Variants in USP46 observed in about 807,000 individuals in gnomAD.
USP46 encodes ubiquitin specific peptidase 46, also known as ubiquitin carboxyl-terminal hydrolase 46.
A neutral mutation model predicts 44.4 loss-of-function variants in USP46; 12 were observed. That is an observed-to-expected ratio of 0.27 (90% confidence interval 0.17 to 0.44). The LOEUF is 0.44. USP46 is among the 20% of genes least tolerant of loss of function. The pLI, the probability that USP46 is intolerant of heterozygous loss-of-function variation, is 1.00. For synonymous variants in USP46, 155 were observed against 161.5 expected, an observed-to-expected ratio of 0.96 and a Z score of 0.31; for missense variants, 248 against 444.8, an observed-to-expected ratio of 0.56 and a Z score of 3.98.
intron 4 of USP46, among the ~76,000 whole-genome samples, chr4:52,625,419 T>A (rs1717543090): frequency 6.6e-6 from 1 of 152,078 alleles, no homozygotes; most frequent in African/African-American, 2.4e-5. Context: ...AGAGTTGAAG[T>A]TAAACATGCC....
intron 5 of USP46, among the ~76,000 whole-genome samples, chr4:52,605,662 T>A (rs1716659543): frequency 6.6e-6 from 1 of 152,224 alleles, no homozygotes; most frequent in African/African-American, 2.4e-5. Context: ...ACTGCCTTCA[T>A]ACGGCTCACA....
intron 4 of USP46, among the ~76,000 whole-genome samples, chr4:52,620,431 T>C (rs1717334920): frequency 6.6e-6 from 1 of 152,242 alleles, no homozygotes; most frequent in Non-Finnish European, 1.5e-5. Flanking sequence ...CTTGCAATTA[T>C]AATTACTTAA....
At chr4:52,652,289 T>C (rs1278232139) in intron 1 of USP46, among the ~76,000 whole-genome samples, 2 of 152,190 alleles carry the variant, frequency 1.3e-5, no homozygotes, top group Non-Finnish European at 2.9e-5. Context: ...CGCTGCTTGG[T>C]TGGAATGCAA....
intron 1 of USP46, among the ~76,000 whole-genome samples, chr4:52,646,418 A>G (rs928642842): frequency 6.6e-6 from 1 of 152,210 alleles, no homozygotes; most frequent in Non-Finnish European, 1.5e-5. Flanking sequence ...ATCCTCAAAT[A>G]GAGTAGCAAT....
chr4:52,641,454 GGAA>G (rs1718338385), intron 1 of USP46, among the ~76,000 whole-genome samples: 2 of 152,032 alleles, frequency 1.3e-5, no homozygotes, highest in African/African-American at 2.4e-5. Flanking sequence ...CAAAATCCCA[GGAA>G]GGATGATTCA....
chr4:52,612,462 T>G (rs1197713012), intron 4 of USP46, among the ~76,000 whole-genome samples: 1 of 152,218 alleles, frequency 6.6e-6, no homozygotes, highest in Non-Finnish European at 1.5e-5. Flanking sequence ...CACCCTTAAG[T>G]CTGAGTGTGA....
At chr4:52,633,737 T>C (rs1718002849) in intron 1 of USP46, among the ~76,000 whole-genome samples, 1 of 152,178 alleles carries the variant, frequency 6.6e-6, no homozygotes, top group African/African-American at 2.4e-5. Flanking sequence ...CTACCTATCT[T>C]AATATTTTCC....
intron 1 of USP46, among the ~76,000 whole-genome samples, chr4:52,652,760 ACT>A (rs2109669112): frequency 6.6e-6 from 1 of 152,262 alleles, no homozygotes; most frequent in South Asian, 2.1e-4. Flanking sequence ...AATAGTGGTC[ACT>A]CTGTGGGGAG....
chr4:52,608,804 C>T (rs958812615), intron 5 of USP46, among the ~76,000 whole-genome samples: 4 of 152,036 alleles, frequency 2.6e-5, no homozygotes, highest in Non-Finnish European at 2.9e-5. Context: ...GGGATCTCAT[C>T]GGCACTGGGA....
rs1716074746 is a variant in USP46, at chr4:52,592,820, C to T, written c.*4820G>A. On this transcript the variant is annotated 3_prime_UTR_variant, in exon 9 of 9. Coordinates refer to ENST00000441222, the MANE Select transcript of USP46 (RefSeq NM_022832.4). ...CATCACTGCACTCCAGCCTGGGTGACAGTGAGACTCCATCTTAAAAAAAAA... is the reference window on the plus strand; with the variant it reads ...CATCACTGCACTCCAGCCTGGGTGATAGTGAGACTCCATCTTAAAAAAAAA... 3 of 397,906 alleles carry T rather than the reference C, an allele frequency of 7.5e-6. No homozygotes were observed. Among genetic ancestry groups the T allele is most frequent in the South Asian group, 2.6e-4 (2 of 7,806 alleles). 24.6% of individuals were successfully genotyped at this position (397,906 alleles called of 1,614,324 possible).
At chr4:52,619,016 A>G (rs1397171501) in intron 4 of USP46, among the ~76,000 whole-genome samples, 1 of 152,216 alleles carries the variant, frequency 6.6e-6, no homozygotes, top group Non-Finnish European at 1.5e-5. Flanking sequence ...AAATGGAAAG[A>G]GGGAAAATTA....
At position 52,592,940 on chromosome 4, in the gene USP46, A is replaced by AT. The variant is rs1716082266; in HGVS notation, c.*4699dup. The AT allele has an allele frequency of 2.5e-6, 1 of 398,264 alleles. No homozygotes were observed. The allele number at this position is 398,264 out of a possible 1,614,324, so 24.7% of individuals were successfully genotyped here. A position where few individuals can be genotyped will look rare whatever the true frequency, so the allele number is the denominator to read the frequency against. On this transcript the variant is annotated 3_prime_UTR_variant, in exon 9 of 9. Transcript: ENST00000441222. The stretch of plus-strand genomic sequence containing the variant: ...CTTGCTTTCCCTTTGCCTTCTGCTG[A>AT]TTGTAAGTTTCCTGAGGCCTCCCCC...
At chr4:52,621,776 C>T (rs1321290246) in intron 4 of USP46, among the ~76,000 whole-genome samples, 1 of 152,168 alleles carries the variant, frequency 6.6e-6, no homozygotes, top group Non-Finnish European at 1.5e-5. Context: ...AATTCTGCTC[C>T]CAAAAGGATA....
intron 6 of USP46, 55 bp downstream of exon 6, chr4:52,604,446 C>T: frequency 2.0e-6 from 3 of 1,465,262 alleles, no homozygotes; most frequent in Non-Finnish European, 2.8e-6. Flanking sequence ...CTGGGCCCCA[C>T]AGTCGGGATC....
At chr4:52,631,193 A>G (rs1435154991) in intron 1 of USP46, 49 bp from the exon 2 acceptor site, 13 of 1,421,420 alleles carry the variant, frequency 9.1e-6, no homozygotes, top group East Asian at 5.0e-5. Flanking sequence ...AATAGACAAA[A>G]AGTAAAATCA....
intron 1 of USP46, among the ~76,000 whole-genome samples, chr4:52,634,756 C>T (rs1718048197): frequency 6.6e-6 from 1 of 152,110 alleles, no homozygotes; most frequent in Admixed American, 6.5e-5. Flanking sequence ...TCTATGCCTC[C>T]CACCACTGTG....
At position 52,609,898 on chromosome 4, in the gene USP46, C is replaced by CTTTTTTTTTTTTTT. The variant is rs66817554; in HGVS notation, c.638+629_638+642dup. On this transcript the variant is annotated intron_variant, in intron 5 of 8. Coordinates refer to ENST00000441222, the MANE Select transcript of USP46 (RefSeq NM_022832.4). ...GGAAACCTAAACCTCAATTCTATTT[C>CTTTTTTTTTTTTTT]TTTTTTTTTTTTTTTTTTTTTTTTT... Among the ~76,000 whole-genome samples, 33 of 24,586 alleles carry CTTTTTTTTTTTTTT rather than the reference C, an allele frequency of 1.3e-3. 13 individuals are homozygous for CTTTTTTTTTTTTTT. Among genetic ancestry groups the CTTTTTTTTTTTTTT allele is most frequent in the Non-Finnish European group, 2.1e-3 (26 of 12,206 alleles). 16.1% of individuals were successfully genotyped at this position (24,586 alleles called of 152,430 possible).
chr4:52,604,604 C>T lies in USP46; in HGVS notation c.639-20G>A, dbSNP rs1178714500. 6.5e-7 allele frequency: 1 copy of T among 1,545,540 alleles called. No homozygotes were observed. Among genetic ancestry groups the T allele is most frequent in the Non-Finnish European group, 8.8e-7 (1 of 1,136,424 alleles). ...AAGTCTCTGTAGAGGAAAATATTTCCATCTTTAAAAAATGTCCAAATCTAC... is the reference window on the plus strand; with the variant it reads ...AAGTCTCTGTAGAGGAAAATATTTCTATCTTTAAAAAATGTCCAAATCTAC... On this transcript the variant is annotated intron_variant, in intron 5 of 8. Coordinates refer to ENST00000441222, the MANE Select transcript of USP46 (RefSeq NM_022832.4).
At chr4:52,616,941 A>G (rs1377917657) in intron 4 of USP46, among the ~76,000 whole-genome samples, 1 of 152,248 alleles carries the variant, frequency 6.6e-6, no homozygotes, top group African/African-American at 2.4e-5. Flanking sequence ...CAAAGAAAAC[A>G]TACCATCAAA....
Sources: gnomAD v4.1 joint callset for allele counts (sites outside exome capture counted in the v4.1 genomes callset) on GRCh38, gnomAD v4.1.1 for gene constraint, MANE v1.5 for transcripts, NCBI Gene and HGNC (gene_info 2026-07-23, HGNC 2026-07-21) for gene names.